TAFA2: variants seen among roughly 807,000 people sequenced by gnomAD.
The protein encoded by TAFA2 is chemokine-like protein TAFA-2.
A neutral mutation model predicts 18.8 loss-of-function variants in TAFA2; 7 were observed. The ratio of observed to expected loss-of-function variants is 0.37; its 90% CI spans 0.21 to 0.70. The LOEUF (loss-of-function observed/expected upper bound fraction) is 0.70, where lower values mean the gene tolerates loss of function less well. TAFA2 is among the 30% of genes least tolerant of loss of function. TAFA2 has a pLI of 0.53. For synonymous variants in TAFA2, 60 were observed against 54.2 expected, an observed-to-expected ratio of 1.11 and a Z score of -0.47; for missense variants, 122 against 158.1, an observed-to-expected ratio of 0.77 and a Z score of 1.23.
At chr12:61,719,840 G>A (rs1377883486) in intron 4 of TAFA2, among the ~76,000 whole-genome samples, 1 of 152,140 alleles carries the variant, frequency 6.6e-6, no homozygotes, top group Non-Finnish European at 1.5e-5. Context: ...GTGAGAACAT[G>A]CCAGAAGCAG....
intron 2 of TAFA2, among the ~76,000 whole-genome samples, chr12:61,797,641 C>T (rs1002816348): frequency 1.3e-5 from 2 of 152,168 alleles, no homozygotes; most frequent in Non-Finnish European, 2.9e-5. Context: ...AATTCAGCCT[C>T]CTTGGTTTAT....
intron 1 of TAFA2, among the ~76,000 whole-genome samples, chr12:62,126,270 A>T (rs1870455214): frequency 6.6e-6 from 1 of 152,118 alleles, no homozygotes; most frequent in African/African-American, 2.4e-5. Flanking sequence ...CCAACCAGAC[A>T]CTTAAGTGGA....
chr12:61,737,641 T>C (rs1868326408), intron 4 of TAFA2, among the ~76,000 whole-genome samples: 1 of 151,922 alleles, frequency 6.6e-6, no homozygotes, highest in African/African-American at 2.4e-5. Flanking sequence ...CCATATCTTA[T>C]TACACTGCTA....
intron 1 of TAFA2, among the ~76,000 whole-genome samples, chr12:62,090,964 T>G (rs1296364235): frequency 6.6e-6 from 1 of 152,074 alleles, no homozygotes; most frequent in Non-Finnish European, 1.5e-5. Context: ...TACTTATGCC[T>G]ATTTTCCATT....
intron 1 of TAFA2, among the ~76,000 whole-genome samples, chr12:61,910,057 G>C (rs1876533469): frequency 6.6e-6 from 1 of 151,644 alleles, no homozygotes; most frequent in African/African-American, 2.4e-5. Flanking sequence ...GGCCCCAAAA[G>C]AGAGTAGTAA....
chr12:61,933,955 G>C, intron 1 of TAFA2, among the ~76,000 whole-genome samples: 1 of 152,160 alleles, frequency 6.6e-6, no homozygotes, highest in East Asian at 1.9e-4. Context: ...TCCATCACTT[G>C]CTTTGAGTTG....
chr12:61,874,894 AT>A (rs370727493), intron 1 of TAFA2, among the ~76,000 whole-genome samples: 38 of 149,352 alleles, frequency 2.5e-4, no homozygotes, highest in Admixed American at 7.4e-4. Context: ...AATGTTGTCT[AT>A]TTTTTTTTTC....
intron 4 of TAFA2, among the ~76,000 whole-genome samples, chr12:61,738,848 G>A (rs1324354610): frequency 6.6e-6 from 1 of 152,060 alleles, no homozygotes; most frequent in African/African-American, 2.4e-5. Flanking sequence ...AGTATGAATA[G>A]AGATAGTAGA....
intron 1 of TAFA2, among the ~76,000 whole-genome samples, chr12:62,047,757 T>A (rs1298643533): frequency 6.6e-6 from 1 of 152,176 alleles, no homozygotes; most frequent in Non-Finnish European, 1.5e-5. Context: ...ATATTAAGAA[T>A]AACCTTTTGT....
chr12:62,256,880 G>A (rs1346865131), intron 1 of TAFA2, among the ~76,000 whole-genome samples: 2 of 152,054 alleles, frequency 1.3e-5, no homozygotes, highest in Admixed American at 6.5e-5. Flanking sequence ...CCTTTTAGCT[G>A]CTCTGAGAGC....
At chr12:61,954,208 A>G in intron 1 of TAFA2, among the ~76,000 whole-genome samples, 1 of 152,150 alleles carries the variant, frequency 6.6e-6, no homozygotes. Context: ...CCCACTTACA[A>G]GTAAGAACAT....
chr12:61,981,587 T>G (rs1232459543), intron 1 of TAFA2, among the ~76,000 whole-genome samples: 1 of 152,150 alleles, frequency 6.6e-6, no homozygotes, highest in Non-Finnish European at 1.5e-5. Context: ...ATCCAGAATC[T>G]ACAAAGAACT....
At chr12:61,806,220 G>A (rs1160333443) in intron 2 of TAFA2, among the ~76,000 whole-genome samples, 1 of 152,172 alleles carries the variant, frequency 6.6e-6, no homozygotes, top group Non-Finnish European at 1.5e-5. Flanking sequence ...CCCAGGTGTT[G>A]TGGGAGGCAC....
intron 4 of TAFA2, among the ~76,000 whole-genome samples, chr12:61,739,425 T>C (rs530973799): frequency 1.3e-5 from 2 of 152,060 alleles, no homozygotes; most frequent in Non-Finnish European, 2.9e-5. Context: ...ACATCAACAG[T>C]ACTACAGAAA....
chr12:62,112,810 T>C lies in TAFA2; in HGVS notation c.-2+78449A>G, dbSNP rs190820392. ...TTGTGTATGCTTCAAGAAGTTCTCATGCTGTGTTTTTCAGCTCCACTAGGT... is the reference window on the plus strand; with the variant it reads ...TTGTGTATGCTTCAAGAAGTTCTCACGCTGTGTTTTTCAGCTCCACTAGGT... On this transcript the variant is annotated intron_variant, in intron 1 of 4. Transcript: ENST00000416284. 9.2e-5 allele frequency among the ~76,000 whole-genome samples: 14 copies of C among 152,252 alleles called. 1 individual carries two copies. In the East Asian group the frequency reaches 2.7e-3, roughly 29 times the overall value.
intron 2 of TAFA2, among the ~76,000 whole-genome samples, chr12:61,851,809 A>C (rs866556855): frequency 2.7e-5 from 4 of 146,044 alleles, no homozygotes; most frequent in African/African-American, 2.6e-5. Flanking sequence ...AAAAAAAAAA[A>C]AAAAAAAAAC....
intron 1 of TAFA2, among the ~76,000 whole-genome samples, chr12:62,228,378 T>A (rs1403407544): frequency 6.6e-6 from 1 of 152,208 alleles, no homozygotes; most frequent in Non-Finnish European, 1.5e-5. Context: ...GTAGAATGAC[T>A]TATTTTCCTG....
At chr12:61,826,213 G>T (rs1356645541) in intron 2 of TAFA2, among the ~76,000 whole-genome samples, 1 of 152,000 alleles carries the variant, frequency 6.6e-6, no homozygotes, top group Non-Finnish European at 1.5e-5. Context: ...CTTGTTTTCT[G>T]CAGTTTCCAT....
intron 1 of TAFA2, among the ~76,000 whole-genome samples, chr12:62,121,111 T>C (rs1364307263): frequency 6.6e-6 from 1 of 151,986 alleles, no homozygotes; most frequent in Non-Finnish European, 1.5e-5. Flanking sequence ...GCATCATGAT[T>C]TCTATGAACT....
Sources: allele counts gnomAD v4.1 joint callset (sites outside exome capture counted in the v4.1 genomes callset), GRCh38; gene constraint gnomAD v4.1.1; transcripts MANE v1.5; gene names NCBI Gene and HGNC (gene_info 2026-07-23, HGNC 2026-07-21).